Variants in SFMBT1 observed in about 807,000 individuals in gnomAD.
SFMBT1 encodes the protein scm-like with four MBT domains protein 1.
A neutral mutation model predicts 108.7 loss-of-function variants in SFMBT1; 32 were observed. That is an observed-to-expected ratio of 0.29 (90% CI 0.22 to 0.40). The LOEUF (loss-of-function observed/expected upper bound fraction) is 0.40, where lower values mean the gene tolerates loss of function less well. SFMBT1 is among the 10% of genes least tolerant of loss of function. SFMBT1 has a pLI of 1.00. For missense variants in SFMBT1, 816 were observed against 1,059.6 expected (o/e 0.77, Z 3.19); for synonymous variants, 348 against 369.5 (o/e 0.94, Z 0.67).
At chr3:53,013,580 AC>A (rs1417179490) in intron 1 of SFMBT1, among the ~76,000 whole-genome samples, 1 of 135,334 alleles carries the variant, frequency 7.4e-6, no homozygotes, top group East Asian at 2.1e-4. Context: ...AAATTTAATT[AC>A]TTCAAGAAGG....
intron 1 of SFMBT1, among the ~76,000 whole-genome samples, chr3:53,038,549 A>G (rs1297479404): frequency 3.3e-5 from 5 of 152,238 alleles, no homozygotes; most frequent in Admixed American, 3.3e-4. Flanking sequence ...ACATTAATAC[A>G]GCCATTAAAA....
intron 1 of SFMBT1, among the ~76,000 whole-genome samples, chr3:52,977,296 G>A (rs1017272137): frequency 3.9e-5 from 6 of 152,032 alleles, no homozygotes; most frequent in Non-Finnish European, 5.9e-5. Context: ...GGATCACGAG[G>A]TCAGGAGTTC....
intron 9 of SFMBT1, among the ~76,000 whole-genome samples, chr3:52,927,610 T>C (rs1455550553): frequency 6.6e-6 from 1 of 152,174 alleles, no homozygotes; most frequent in Non-Finnish European, 1.5e-5. Context: ...AACTAACCCA[T>C]TAATTAAGGG....
chr3:52,935,844 G>A (rs900090990), intron 4 of SFMBT1, among the ~76,000 whole-genome samples: 11 of 152,034 alleles, frequency 7.2e-5, no homozygotes, highest in Admixed American at 6.6e-5. Context: ...CTCCCCTCCC[G>A]TGTCCCTACT....
intron 1 of SFMBT1, among the ~76,000 whole-genome samples, chr3:53,010,662 T>TATTTATAG (rs58368329): frequency 0.049 from 7,398 of 152,260 alleles, 606 homozygotes; most frequent in African/African-American, 0.17. Context: ...GTAATGATGT[T>TATTTATAG]ATTTATAGCC....
chr3:52,932,986 A>C (rs1181248047), intron 5 of SFMBT1, among the ~76,000 whole-genome samples: 3 of 151,478 alleles, frequency 2.0e-5, no homozygotes, highest in African/African-American at 7.4e-5. Context: ...AAATCAAACA[A>C]AAGTCAAAGT....
chr3:53,021,461 G>T (rs1333315827), intron 1 of SFMBT1, among the ~76,000 whole-genome samples: 10 of 152,144 alleles, frequency 6.6e-5, no homozygotes, highest in African/African-American at 2.4e-4. Flanking sequence ...CCATAATAAA[G>T]AGTTAAATAA....
At chr3:52,937,664 C>A (rs11714037) in intron 4 of SFMBT1, among the ~76,000 whole-genome samples, 11,453 of 151,824 alleles carry the variant, frequency 0.075, 475 homozygotes, top group Non-Finnish European at 0.094. Flanking sequence ...CTCACGGCAA[C>A]CTCCGCCTCC....
At chr3:52,919,112 G>A (rs764422026) in intron 12 of SFMBT1, among the ~76,000 whole-genome samples, 1 of 152,062 alleles carries the variant, frequency 6.6e-6, no homozygotes, top group Non-Finnish European at 1.5e-5. Flanking sequence ...GTGGTCCCAC[G>A]GGTTGGGGAC....
chr3:52,996,426 C>T (rs1698334345), intron 1 of SFMBT1, among the ~76,000 whole-genome samples: 1 of 149,294 alleles, frequency 6.7e-6, no homozygotes, highest in African/African-American at 2.4e-5. Flanking sequence ...ATTACCCAGG[C>T]TGGTCTCGAG....
chr3:52,924,667 CAACAACAACAA>C (rs1233138229), intron 10 of SFMBT1, among the ~76,000 whole-genome samples: 1 of 119,676 alleles, frequency 8.4e-6, no homozygotes, highest in African/African-American at 3.0e-5. Flanking sequence ...CAAACAACAA[CAACAACAACAA>C]CAACAAAACC....
chr3:53,043,788 T>C (rs568550681), intron 1 of SFMBT1, among the ~76,000 whole-genome samples: 51 of 152,296 alleles, frequency 3.3e-4, no homozygotes, highest in Admixed American at 3.9e-4. Flanking sequence ...CTAAGAATCA[T>C]TATAAAAGCA....
intron 3 of SFMBT1, among the ~76,000 whole-genome samples, chr3:52,950,760 C>T (rs538499507): frequency 6.6e-6 from 1 of 152,224 alleles, no homozygotes; most frequent in East Asian, 1.9e-4. Context: ...AGGCGTGAGC[C>T]ACCGTGCCCG....
At chr3:52,928,078 G>C in intron 9 of SFMBT1, 113 bp downstream of exon 9, 1 of 1,354,140 alleles carries the variant, frequency 7.4e-7, no homozygotes, top group South Asian at 1.5e-5. Flanking sequence ...AAAAACGTTA[G>C]GAACAGGCTA....
chr3:52,912,525 G>T lies in SFMBT1; in HGVS notation c.1730+13C>A. ...AAGTAAAAGTAAAGAGTAAAAACAAGTAGTCCACTCACTTGGCTTTTAGGA... is the reference window on the plus strand; with the variant it reads ...AAGTAAAAGTAAAGAGTAAAAACAATTAGTCCACTCACTTGGCTTTTAGGA... On this transcript the variant is annotated intron_variant, in intron 16 of 20. Transcript: ENST00000394752. The T allele has an allele frequency of 6.2e-7, 1 of 1,602,794 alleles. No homozygotes were observed. Among genetic ancestry groups the T allele is most frequent in the Non-Finnish European group, 8.5e-7 (1 of 1,169,652 alleles).
intron 1 of SFMBT1, among the ~76,000 whole-genome samples, chr3:53,007,834 G>A (rs1575435218): frequency 6.6e-6 from 1 of 152,078 alleles, no homozygotes; most frequent in East Asian, 1.9e-4. Flanking sequence ...CACCTACTAG[G>A]AGGCAATGAG....
At chr3:53,039,905 T>C (rs981204713) in intron 1 of SFMBT1, among the ~76,000 whole-genome samples, 18 of 152,254 alleles carry the variant, frequency 1.2e-4, no homozygotes, top group African/African-American at 4.3e-4. Flanking sequence ...TAAAAATTTA[T>C]ATCCTCATTA....
intron 14 of SFMBT1, 34 bp from the exon 15 acceptor site, chr3:52,913,651 G>T: frequency 6.2e-7 from 1 of 1,607,752 alleles, no homozygotes; most frequent in Non-Finnish European, 8.5e-7. Flanking sequence ...ATTCAAAACA[G>T]TCATTCTCTA....
intron 2 of SFMBT1, among the ~76,000 whole-genome samples, chr3:52,959,188 G>A (rs903274382): frequency 1.3e-5 from 2 of 152,118 alleles, no homozygotes; most frequent in Non-Finnish European, 2.9e-5. Context: ...TTAATACCTA[G>A]GTGATGAGTT....
Sources: allele counts gnomAD v4.1 joint callset (sites outside exome capture counted in the v4.1 genomes callset), GRCh38; gene constraint gnomAD v4.1.1; transcripts MANE v1.5; gene names NCBI Gene and HGNC (gene_info 2026-07-23, HGNC 2026-07-21).